The following SPAG16 variants were observed in gnomAD, a reference collection of about 807,000 sequenced individuals.
SPAG16 encodes sperm-associated antigen 16 protein.
Under a neutral mutation model 80.4 loss-of-function variants are expected in SPAG16, and 86 were observed. The observed-to-expected ratio is 1.07, with a 90% CI of 0.90 to 1.28. SPAG16 has a LOEUF of 1.28. Ranked by LOEUF, SPAG16 falls within the 50% of genes most tolerant of loss-of-function variation. The probability of loss-of-function intolerance (pLI) is 0.00; values close to 1 mark genes in which losing one functional copy is unlikely to be tolerated. For synonymous variants in SPAG16, 294 were observed against 265.9 expected (o/e 1.11, Z -1.03); for missense variants, 870 against 765.3 (o/e 1.14, Z -1.61).
At chr2:213,298,441 C>G (rs998794209) in intron 3 of SPAG16, among the ~76,000 whole-genome samples, 8 of 152,198 alleles carry the variant, frequency 5.3e-5, no homozygotes, top group Non-Finnish European at 5.9e-5. Context: ...TCTTGCTTTA[C>G]ATCACTAAGG....
Position 214,410,144 on chromosome 2 carries a change from A to C in SPAG16, c.1725A>C (p.Arg575=), listed in dbSNP as rs1349907941. The C allele has an allele frequency of 6.2e-7, 1 of 1,613,752 alleles. No individual in the cohort carries two copies. Residue 575 remains arginine, a synonymous_variant, in exon 16 of 16, where the codon CGA becomes CGC. Transcript: ENST00000331683. ...TCTCCTCTCTGTCTCCCTCAGGTCG[A>C]GTTTTAGCTCAGGCAAGTGGCAATG... The part of the protein sequence containing the change: ...GNEVNFDSSG[R]VLAQASGNGV...
intron 15 of SPAG16, among the ~76,000 whole-genome samples, chr2:214,388,350 G>A (rs953402271): frequency 6.6e-6 from 1 of 151,992 alleles, no homozygotes; most frequent in Non-Finnish European, 1.5e-5. Flanking sequence ...ACAAGTGAGG[G>A]GCCCTAAAGT....
At chr2:213,892,287 G>A (rs1432328375) in intron 11 of SPAG16, among the ~76,000 whole-genome samples, 1 of 151,952 alleles carries the variant, frequency 6.6e-6, no homozygotes, top group African/African-American at 2.4e-5. Context: ...GAGCTGAAAA[G>A]GAGGTGATGA....
At chr2:213,637,439 G>T (rs1231127998) in intron 10 of SPAG16, among the ~76,000 whole-genome samples, 2 of 152,100 alleles carry the variant, frequency 1.3e-5, no homozygotes, top group Admixed American at 6.6e-5. Context: ...TGGTGTTAGG[G>T]TGATACTGGC....
At chr2:213,914,658 C>A (rs1212655169) in intron 11 of SPAG16, among the ~76,000 whole-genome samples, 1 of 152,210 alleles carries the variant, frequency 6.6e-6, no homozygotes, top group Admixed American at 6.5e-5. Context: ...AACATTTCTT[C>A]TCTTATGTAT....
intron 15 of SPAG16, among the ~76,000 whole-genome samples, chr2:214,266,237 C>A (rs1444236262): frequency 1.3e-5 from 2 of 151,810 alleles, no homozygotes; most frequent in African/African-American, 4.8e-5. Context: ...AAAAGTATTA[C>A]TATTTTGTTT....
chr2:213,456,860 A>AT (rs961240355), intron 9 of SPAG16, among the ~76,000 whole-genome samples: 2 of 151,800 alleles, frequency 1.3e-5, no homozygotes, highest in African/African-American at 4.8e-5. Flanking sequence ...ATGGATTAAT[A>AT]TTTTTTCTTC....
At chr2:214,335,656 G>A (rs1241449125) in intron 15 of SPAG16, among the ~76,000 whole-genome samples, 2 of 151,014 alleles carry the variant, frequency 1.3e-5, no homozygotes, top group Non-Finnish European at 1.5e-5. Context: ...TTGGATTTAT[G>A]TAGCTCTACC....
chr2:213,402,841 G>A (rs1285821425), intron 9 of SPAG16, among the ~76,000 whole-genome samples: 1 of 152,178 alleles, frequency 6.6e-6, no homozygotes, highest in East Asian at 1.9e-4. Context: ...GGACATTTAG[G>A]TTGGTTCCAA....
At chr2:213,533,040 A>G (rs2076124794) in intron 10 of SPAG16, among the ~76,000 whole-genome samples, 1 of 152,188 alleles carries the variant, frequency 6.6e-6, no homozygotes. Context: ...GTATACTGCT[A>G]TGAATGCAAC....
chr2:213,706,242 A>C (rs2065747968), intron 10 of SPAG16, among the ~76,000 whole-genome samples: 1 of 152,152 alleles, frequency 6.6e-6, no homozygotes, highest in Non-Finnish European at 1.5e-5. Context: ...CAATTTCAGG[A>C]GGCAGGAGGC....
intron 9 of SPAG16, among the ~76,000 whole-genome samples, chr2:213,455,681 C>T (rs1593200): frequency 0.06 from 9,086 of 152,164 alleles, 898 homozygotes; most frequent in African/African-American, 0.21. Flanking sequence ...ACCTAGATCC[C>T]TCACATGCAC....
At chr2:213,462,156 C>T (rs1372724922) in intron 9 of SPAG16, among the ~76,000 whole-genome samples, 1 of 152,176 alleles carries the variant, frequency 6.6e-6, no homozygotes, top group Non-Finnish European at 1.5e-5. Context: ...GACTTGTTAT[C>T]TTACCCCATG....
chr2:214,009,339 A>G (rs2047179788), intron 12 of SPAG16, among the ~76,000 whole-genome samples: 1 of 152,100 alleles, frequency 6.6e-6, no homozygotes, highest in Non-Finnish European at 1.5e-5. Context: ...TTGATAGTAA[A>G]AAGTGCATCC....
intron 10 of SPAG16, among the ~76,000 whole-genome samples, chr2:213,573,734 G>T (rs369397763): frequency 6.6e-5 from 10 of 152,112 alleles, no homozygotes; most frequent in African/African-American, 2.2e-4. Context: ...TCTTAATTTT[G>T]TCATAAATTT....
chr2:214,114,603 G>C (rs2053840236), intron 14 of SPAG16, among the ~76,000 whole-genome samples: 1 of 152,158 alleles, frequency 6.6e-6, no homozygotes, highest in African/African-American at 2.4e-5. Context: ...GGGACCCCCT[G>C]CCCCGAGCCA....
chr2:213,894,881 T>C (rs1320447063), intron 11 of SPAG16, among the ~76,000 whole-genome samples: 1 of 148,482 alleles, frequency 6.7e-6, no homozygotes, highest in Admixed American at 6.9e-5. Flanking sequence ...TCCCAGATAC[T>C]TGGGAGGCTG....
At chr2:213,849,082 G>A (rs1041648505) in intron 10 of SPAG16, among the ~76,000 whole-genome samples, 3 of 152,094 alleles carry the variant, frequency 2.0e-5, no homozygotes, top group Non-Finnish European at 2.9e-5. Context: ...ATTCTGGATG[G>A]TTGGAAAGTT....
intron 7 of SPAG16, among the ~76,000 whole-genome samples, chr2:213,358,261 C>G (rs1402732943): frequency 1.3e-5 from 2 of 152,062 alleles, no homozygotes; most frequent in African/African-American, 4.8e-5. Context: ...TGGGGAGTAC[C>G]TTTATGGTGT....
Sources: allele counts gnomAD v4.1 joint callset (sites outside exome capture counted in the v4.1 genomes callset), GRCh38; gene constraint gnomAD v4.1.1; transcripts MANE v1.5; gene names NCBI Gene and HGNC (gene_info 2026-07-23, HGNC 2026-07-21).